HPSE2: variants seen among roughly 807,000 people sequenced by gnomAD.
The protein encoded by HPSE2 is inactive heparanase-2.
In HPSE2, 38 loss-of-function variants were observed where a neutral mutation model predicts 60.5. The observed-to-expected ratio is 0.63, with a 90% CI of 0.48 to 0.82. The LOEUF (loss-of-function observed/expected upper bound fraction) is 0.82. HPSE2 is among the 40% of genes least tolerant of loss of function. The probability of loss-of-function intolerance (pLI) is 0.00; values close to 1 mark genes in which losing one functional copy is unlikely to be tolerated. For synonymous variants in HPSE2, 295 were observed against 293.2 expected (o/e 1.01, Z -0.06); for missense variants, 713 against 740.4 (o/e 0.96, Z 0.43).
chr10:99,159,500 G>A (rs1846733477), intron 2 of HPSE2, among the ~76,000 whole-genome samples: 1 of 152,166 alleles, frequency 6.6e-6, no homozygotes, highest in South Asian at 2.1e-4. Context: ...ACACATAGAA[G>A]AAATGATTGT....
chr10:98,690,854 T>C (rs942658312), intron 6 of HPSE2, among the ~76,000 whole-genome samples: 1 of 152,196 alleles, frequency 6.6e-6, no homozygotes, highest in African/African-American at 2.4e-5. Flanking sequence ...CCACAAAATA[T>C]AGCAAACCCA....
At chr10:99,152,074 G>A (rs1432879018) in intron 2 of HPSE2, among the ~76,000 whole-genome samples, 2 of 151,998 alleles carry the variant, frequency 1.3e-5, no homozygotes, top group Non-Finnish European at 1.5e-5. Context: ...AGCTTTGGGA[G>A]GCCGAGGCGG....
At chr10:98,665,085 A>G (rs954848383) in intron 6 of HPSE2, among the ~76,000 whole-genome samples, 7 of 152,344 alleles carry the variant, frequency 4.6e-5, no homozygotes, top group South Asian at 2.1e-4. Flanking sequence ...TAAAGTAGCC[A>G]TTTTATGAAA....
At chr10:99,301,622 C>A in the HPSE2 span, among the ~76,000 whole-genome samples, 2,380 of 152,248 alleles carry the variant, frequency 0.016, 66 homozygotes, top group African/African-American at 0.054. Flanking sequence ...AACACAGCAT[C>A]CTAACTCAAA....
At chr10:99,061,454 A>G (rs1035746268) in intron 3 of HPSE2, among the ~76,000 whole-genome samples, 5 of 152,200 alleles carry the variant, frequency 3.3e-5, no homozygotes, top group African/African-American at 1.2e-4. Flanking sequence ...TTTGTTTTTT[A>G]TCAGTATAGC....
chr10:98,555,250 G>A (rs1377876842), intron 9 of HPSE2, among the ~76,000 whole-genome samples: 2 of 152,118 alleles, frequency 1.3e-5, no homozygotes, highest in Non-Finnish European at 2.9e-5. Context: ...TTAGCCTCAG[G>A]GAATAGAATG....
intron 8 of HPSE2, among the ~76,000 whole-genome samples, chr10:98,619,548 G>C (rs924360520): frequency 1.3e-5 from 2 of 152,042 alleles, no homozygotes; most frequent in Non-Finnish European, 2.9e-5. Context: ...ATAGAACAAG[G>C]CCTCACTTCC....
intron 3 of HPSE2, among the ~76,000 whole-genome samples, chr10:98,946,515 CA>C (rs1397788182): frequency 6.0e-5 from 9 of 149,262 alleles, no homozygotes; most frequent in Non-Finnish European, 1.3e-4. Context: ...CCCATTGTGA[CA>C]AATGCAACAT....
rs577704847 is a variant in HPSE2, at chr10:98,550,966, T to C, written c.1321-60770A>G. Among the ~76,000 whole-genome samples, 8 of 152,284 alleles carry C rather than the reference T, an allele frequency of 5.3e-5. 1 individual carries two copies. In the South Asian group the frequency reaches 1.7e-3, roughly 32 times the overall value. ...CCAGTACCTGGCTTATGGTTGAGCC[T>C]TCCATAACTATTCACTGATGAACAA... On this transcript the variant is annotated intron_variant, in intron 9 of 11. Transcript: ENST00000370552.
chr10:98,497,995 T>C (rs529234511), intron 9 of HPSE2, among the ~76,000 whole-genome samples: 2 of 152,302 alleles, frequency 1.3e-5, no homozygotes, highest in South Asian at 2.1e-4. Flanking sequence ...TTGCCAGTAT[T>C]AGGGAGAGCA....
intron 2 of HPSE2, among the ~76,000 whole-genome samples, chr10:99,184,819 TAGAGAG>T (rs1177556672): frequency 0.026 from 513 of 19,716 alleles, 47 homozygotes; most frequent in African/African-American, 0.037. Flanking sequence ...TATATATATA[TAGAGAG>T]AGAGAGAGAG....
chr10:99,134,841 G>A (rs951596148), intron 3 of HPSE2, among the ~76,000 whole-genome samples: 1 of 151,958 alleles, frequency 6.6e-6, no homozygotes, highest in African/African-American at 2.4e-5. Flanking sequence ...CTAGCATCAT[G>A]ACAGGATCAA....
intron 9 of HPSE2, among the ~76,000 whole-genome samples, chr10:98,593,002 T>C (rs1945131712): frequency 6.6e-6 from 1 of 152,228 alleles, no homozygotes; most frequent in Non-Finnish European, 1.5e-5. Context: ...CTATGGCTTC[T>C]AATGGCTGAT....
At chr10:99,019,328 A>G (rs2135421372) in intron 3 of HPSE2, among the ~76,000 whole-genome samples, 1 of 152,326 alleles carries the variant, frequency 6.6e-6, no homozygotes, top group South Asian at 2.1e-4. Flanking sequence ...GTTGCATATT[A>G]CTTCAAGATG....
At chr10:98,843,642 CTACACTCACTGTTGAAAGTAGACATAACA>C (rs1951970191) in intron 3 of HPSE2, among the ~76,000 whole-genome samples, 1 of 152,194 alleles carries the variant, frequency 6.6e-6, no homozygotes, top group Non-Finnish European at 1.5e-5. Context: ...ATTCCCACTC[CTACACTCACTGTTGAAAGTAGACATAACA>C]TCACCTCTCA....
chr10:98,502,954 G>A (rs1164708798), intron 9 of HPSE2, among the ~76,000 whole-genome samples: 1 of 152,206 alleles, frequency 6.6e-6, no homozygotes, highest in Non-Finnish European at 1.5e-5. Flanking sequence ...GCTCACGCCT[G>A]TAATCCCAGC....
At chr10:98,545,137 G>C (rs1316889286) in intron 9 of HPSE2, among the ~76,000 whole-genome samples, 2 of 152,116 alleles carry the variant, frequency 1.3e-5, no homozygotes, top group Non-Finnish European at 1.5e-5. Context: ...ACCAATAACA[G>C]GATCTGAAAT....
rs375476526 is a variant in HPSE2 at position 98,886,476 on chromosome 10, T to C, written c.611-142420A>G. ...CAACACAAAATGTCTAGCCAGGAAT[T>C]AAAGTGTTATTAAGAGACAGAGGAG... On this transcript the variant is annotated intron_variant, in intron 3 of 11. Coordinates refer to ENST00000370552, the MANE Select transcript of HPSE2 (RefSeq NM_021828.5). 5.1e-4 allele frequency among the ~76,000 whole-genome samples: 78 copies of C among 152,232 alleles called. 2 individuals carry two copies. The South Asian group carries it at 0.016, about 32-fold the overall frequency.
chr10:98,553,594 T>C (rs1343389006), intron 9 of HPSE2, among the ~76,000 whole-genome samples: 1 of 152,226 alleles, frequency 6.6e-6, no homozygotes, highest in Non-Finnish European at 1.5e-5. Flanking sequence ...CTGTTCCAGC[T>C]GAATTTTCTA....
Sources: gnomAD v4.1 joint callset for allele counts (sites outside exome capture counted in the v4.1 genomes callset) on GRCh38, gnomAD v4.1.1 for gene constraint, MANE v1.5 for transcripts, NCBI Gene and HGNC (gene_info 2026-07-23, HGNC 2026-07-21) for gene names.